The following SLC8A1 variants were observed in gnomAD, a reference collection of about 807,000 sequenced individuals.
SLC8A1 encodes the protein solute carrier family 8 member A1, also known as sodium/calcium exchanger 1.
SLC8A1 carries 18 observed loss-of-function variants against 68.3 expected under a neutral mutation model. The observed-to-expected ratio is 0.26, with a 90% confidence interval of 0.18 to 0.39. SLC8A1 has a LOEUF of 0.39. Ranked by LOEUF, SLC8A1 falls within the 10% of genes least tolerant of loss-of-function variation. The pLI is 1.00. For missense variants in SLC8A1, 985 were observed against 1,156.7 expected, an observed-to-expected ratio of 0.85 and a Z score of 2.15; for synonymous variants, 475 against 415.5, an observed-to-expected ratio of 1.14 and a Z score of -1.74.
At chr2:40,475,287 C>T (rs1245267845) in intron 1 of SLC8A1, among the ~76,000 whole-genome samples, 1 of 152,072 alleles carries the variant, frequency 6.6e-6, no homozygotes, top group Non-Finnish European at 1.5e-5. Flanking sequence ...GTGCCCGCCA[C>T]CTCGCCCGGC....
At chr2:40,370,020 G>A (rs1377604682) in intron 2 of SLC8A1, among the ~76,000 whole-genome samples, 3 of 152,118 alleles carry the variant, frequency 2.0e-5, no homozygotes, top group Admixed American at 6.6e-5. Flanking sequence ...TGAGATAACT[G>A]TAAAATCTTA....
At chr2:40,333,202 G>A (rs984940300) in intron 2 of SLC8A1, among the ~76,000 whole-genome samples, 2 of 151,902 alleles carry the variant, frequency 1.3e-5, no homozygotes, top group Non-Finnish European at 2.9e-5. Context: ...ACTTTGGGAG[G>A]CCAAGGCGGG....
chr2:40,324,861 G>T (rs1432810606), intron 2 of SLC8A1, among the ~76,000 whole-genome samples: 2 of 152,148 alleles, frequency 1.3e-5, no homozygotes, highest in Non-Finnish European at 2.9e-5. Context: ...TGGAGGAAAA[G>T]AACATCCTCT....
At chr2:40,214,318 C>A (rs572318230) in intron 2 of SLC8A1, among the ~76,000 whole-genome samples, 21 of 152,278 alleles carry the variant, frequency 1.4e-4, no homozygotes, top group African/African-American at 4.6e-4. Context: ...GGTCAGTAAG[C>A]CATGCTGGAG....
intron 1 of SLC8A1, among the ~76,000 whole-genome samples, chr2:40,458,680 A>G (rs967788333): frequency 2.6e-5 from 4 of 152,114 alleles, no homozygotes; most frequent in Admixed American, 6.6e-5. Flanking sequence ...ACACAGAGAC[A>G]GCAATCTGAC....
intron 2 of SLC8A1, among the ~76,000 whole-genome samples, chr2:40,334,231 T>C (rs1665212048): frequency 6.6e-6 from 1 of 152,228 alleles, no homozygotes; most frequent in Non-Finnish European, 1.5e-5. Context: ...AGTGATTTTC[T>C]CTGCATTCCA....
intron 7 of SLC8A1, among the ~76,000 whole-genome samples, chr2:40,123,982 T>C (rs1186640199): frequency 2.0e-5 from 3 of 152,210 alleles, no homozygotes; most frequent in Non-Finnish European, 2.9e-5. Flanking sequence ...CTCTTTGCAT[T>C]TGAAGCCTAG....
chr2:40,289,087 C>A (rs543533858), intron 2 of SLC8A1, among the ~76,000 whole-genome samples: 2 of 151,390 alleles, frequency 1.3e-5, no homozygotes, highest in Non-Finnish European at 2.9e-5. Context: ...TGCTAAAATA[C>A]GATGACTGAT....
intron 7 of SLC8A1, among the ~76,000 whole-genome samples, chr2:40,120,523 A>G (rs954495878): frequency 6.6e-6 from 1 of 152,174 alleles, no homozygotes; most frequent in Non-Finnish European, 1.5e-5. Context: ...GACTCTTTCT[A>G]ACTTTACTGT....
intron 2 of SLC8A1, among the ~76,000 whole-genome samples, chr2:40,200,211 TATATATATTTTTTTATATATATATATAA>T (rs1161804313): frequency 2.8e-4 from 2 of 7,038 alleles, no homozygotes; most frequent in Non-Finnish European, 4.8e-4. Flanking sequence ...TATATAAATA[TATATATATTTTTTTATATATATATATAA>T]ATATATATAT....
chr2:40,485,394 T>G (rs745773840), intron 1 of SLC8A1, among the ~76,000 whole-genome samples: 19 of 152,284 alleles, frequency 1.2e-4, no homozygotes, highest in Non-Finnish European at 2.2e-4. Context: ...ATAACTGATT[T>G]GAACAAGCAG....
chr2:40,146,969 C>T (rs968825977), intron 6 of SLC8A1, among the ~76,000 whole-genome samples: 1 of 152,114 alleles, frequency 6.6e-6, no homozygotes, highest in African/African-American at 2.4e-5. Flanking sequence ...AACTTTCAAA[C>T]CTGGCTGAAA....
chr2:40,281,609 A>G (rs2067534608), intron 2 of SLC8A1, among the ~76,000 whole-genome samples: 1 of 152,188 alleles, frequency 6.6e-6, no homozygotes, highest in South Asian at 2.1e-4. Context: ...TGGCAAGTCT[A>G]ATGGAGAATG....
chr2:40,250,670 C>T (rs555594446), intron 2 of SLC8A1, among the ~76,000 whole-genome samples: 5 of 152,200 alleles, frequency 3.3e-5, no homozygotes, highest in Non-Finnish European at 4.4e-5. Flanking sequence ...AAGAAACTTT[C>T]GCCTAACTTT....
At chr2:40,264,259 A>C (rs2065073592) in intron 2 of SLC8A1, among the ~76,000 whole-genome samples, 1 of 151,946 alleles carries the variant, frequency 6.6e-6, no homozygotes, top group Non-Finnish European at 1.5e-5. Context: ...GTGGGACTGT[A>C]AACTAGTTCA....
chr2:40,322,008 G>A (rs1008639215), intron 2 of SLC8A1, among the ~76,000 whole-genome samples: 17 of 152,108 alleles, frequency 1.1e-4, no homozygotes, highest in African/African-American at 4.1e-4. Context: ...TAAGCAAATG[G>A]AAAGGCCTAT....
At chr2:40,275,606 T>C (rs1208351450) in intron 2 of SLC8A1, among the ~76,000 whole-genome samples, 1 of 152,164 alleles carries the variant, frequency 6.6e-6, no homozygotes, top group African/African-American at 2.4e-5. Context: ...ACGTGGGTTT[T>C]ACATGAGCTT....
At chr2:40,128,097 A>C (rs528594276) in intron 7 of SLC8A1, among the ~76,000 whole-genome samples, 1 of 152,372 alleles carries the variant, frequency 6.6e-6, no homozygotes, top group South Asian at 2.1e-4. Context: ...ATGGGATTCC[A>C]GCTGGCGCTG....
intron 2 of SLC8A1, among the ~76,000 whole-genome samples, chr2:40,249,630 G>C (rs1290730035): frequency 2.0e-5 from 3 of 147,906 alleles, no homozygotes; most frequent in Admixed American, 6.9e-5. Flanking sequence ...TAGGATCTTG[G>C]CTTTGTTTTT....
Sources: allele counts gnomAD v4.1 joint callset (sites outside exome capture counted in the v4.1 genomes callset), GRCh38; gene constraint gnomAD v4.1.1; transcripts MANE v1.5; gene names NCBI Gene and HGNC (gene_info 2026-07-23, HGNC 2026-07-21).